The following TAFA1 variants were observed in gnomAD, a reference collection of about 807,000 sequenced individuals.
TAFA1 encodes the protein TAFA chemokine like family member 1, also known as chemokine-like protein TAFA-1.
In TAFA1, 4 loss-of-function variants were observed where a neutral mutation model predicts 18.5. The ratio of observed to expected loss-of-function variants is 0.22; its 90% CI spans 0.11 to 0.49. TAFA1 has a LOEUF of 0.49. TAFA1 is among the 20% of genes least tolerant of loss of function. The pLI, the probability that TAFA1 is intolerant of heterozygous loss-of-function variation, is 0.98. For missense variants in TAFA1, 147 were observed against 169.0 expected (o/e 0.87, Z 0.72); for synonymous variants, 56 against 55.2 (o/e 1.01, Z -0.06).
chr3:68,381,991 C>A (rs906272399), intron 2 of TAFA1, among the ~76,000 whole-genome samples: 23 of 152,110 alleles, frequency 1.5e-4, no homozygotes, highest in African/African-American at 3.1e-4. Flanking sequence ...GGGTTGTTGA[C>A]TTTTGTCAAA....
At chr3:68,398,237 A>C (rs1382272317) in intron 2 of TAFA1, among the ~76,000 whole-genome samples, 1 of 152,192 alleles carries the variant, frequency 6.6e-6, no homozygotes, top group Non-Finnish European at 1.5e-5. Context: ...AGACCAATGG[A>C]AATGAACAAA....
At chr3:68,406,689 T>C (rs961532527) in intron 2 of TAFA1, among the ~76,000 whole-genome samples, 15 of 152,198 alleles carry the variant, frequency 9.9e-5, no homozygotes, top group African/African-American at 3.4e-4. Context: ...AGATATATCC[T>C]CAGCCTTATT....
intron 2 of TAFA1, among the ~76,000 whole-genome samples, chr3:68,390,000 T>C (rs1368600406): frequency 6.6e-6 from 1 of 151,988 alleles, no homozygotes; most frequent in African/African-American, 2.4e-5. Flanking sequence ...GGAATGCCAG[T>C]GACAACCGTT....
At chr3:68,391,203 T>C (rs558131690) in intron 2 of TAFA1, among the ~76,000 whole-genome samples, 2 of 152,112 alleles carry the variant, frequency 1.3e-5, no homozygotes, top group African/African-American at 4.8e-5. Flanking sequence ...GCGTGAGAAC[T>C]TTGTGAAGCA....
At chr3:68,060,214 G>GTGTA (rs1559721271) in intron 2 of TAFA1, among the ~76,000 whole-genome samples, 1 of 151,992 alleles carries the variant, frequency 6.6e-6, no homozygotes, top group Admixed American at 6.6e-5. Context: ...TTGTGTGTGT[G>GTGTA]TGTGTGTGTC....
intron 2 of TAFA1, among the ~76,000 whole-genome samples, chr3:68,251,643 T>A (rs1466737938): frequency 6.6e-6 from 1 of 152,104 alleles, no homozygotes; most frequent in East Asian, 1.9e-4. Flanking sequence ...TGTTGTGAGC[T>A]CAGGGGGAAA....
At chr3:68,178,146 C>G (rs554656897) in intron 2 of TAFA1, among the ~76,000 whole-genome samples, 72 of 142,664 alleles carry the variant, frequency 5.0e-4, no homozygotes, top group African/African-American at 8.5e-4. Context: ...TCCATCCCCC[C>G]CTCCCCAAAA....
chr3:68,006,673 G>C lies in TAFA1; in HGVS notation c.47G>C (p.Ser16Thr). The C allele has an allele frequency of 6.2e-7, 1 of 1,614,050 alleles. No individual in the cohort carries two copies. The highest frequency in any genetic ancestry group is 8.5e-7 in the Non-Finnish European group (1 of 1,179,886). The change falls in exon 2 of 5, where the codon AGT (serine) becomes ACT (threonine). Residue 16 changes from serine (S) to threonine (T), a missense_variant. Physicochemically the swap from Ser to Thr is moderately conservative, Grantham distance 58. Coordinates refer to ENST00000478136, the MANE Select transcript of TAFA1 (RefSeq NM_213609.4). ...TCCTGGGTCCTGTATTTGTGGATAA[G>C]TGCTTGTGCAATGCTACTCTGCCAT... Reference protein sequence around the residue: ...AMSWVLYLWISACAMLLCHGS... With the variant: ...AMSWVLYLWITACAMLLCHGS...
chr3:68,088,344 T>TAG (rs2064995099), intron 2 of TAFA1, among the ~76,000 whole-genome samples: 2 of 152,172 alleles, frequency 1.3e-5, no homozygotes, highest in South Asian at 2.1e-4. Flanking sequence ...ATTTGTGGTT[T>TAG]TGACACATAT....
chr3:68,280,898 T>G (rs1410975442), intron 2 of TAFA1, among the ~76,000 whole-genome samples: 2 of 152,172 alleles, frequency 1.3e-5, no homozygotes, highest in African/African-American at 4.8e-5. Flanking sequence ...CAATTAGTCT[T>G]ATCCTCTCTG....
the TAFA1 span, among the ~76,000 whole-genome samples, chr3:67,998,533 G>A: frequency 6.6e-6 from 1 of 152,188 alleles, no homozygotes; most frequent in Non-Finnish European, 1.5e-5. Context: ...GGAGGGGCAA[G>A]TGACCCAAGT....
chr3:68,361,220 T>A (rs892231632), intron 2 of TAFA1, among the ~76,000 whole-genome samples: 2 of 152,124 alleles, frequency 1.3e-5, no homozygotes, highest in Middle Eastern at 3.4e-3. Context: ...GAAGTTTTTA[T>A]GTTAAGTGAA....
At chr3:68,135,925 A>C (rs1333278310) in intron 2 of TAFA1, among the ~76,000 whole-genome samples, 1 of 152,082 alleles carries the variant, frequency 6.6e-6, no homozygotes, top group Non-Finnish European at 1.5e-5. Context: ...AACCGGGGAA[A>C]TTTTGCTGAA....
At chr3:68,065,105 A>T (rs2064656924) in intron 2 of TAFA1, among the ~76,000 whole-genome samples, 1 of 152,058 alleles carries the variant, frequency 6.6e-6, no homozygotes, top group Non-Finnish European at 1.5e-5. Context: ...TCTGTTATCT[A>T]AATTGTAACA....
intron 2 of TAFA1, among the ~76,000 whole-genome samples, chr3:68,014,156 A>T (rs1253037208): frequency 6.6e-6 from 1 of 152,234 alleles, no homozygotes. Flanking sequence ...AGAATGGACC[A>T]ATTGATTCAC....
At chr3:68,294,939 C>A (rs1277342436) in intron 2 of TAFA1, among the ~76,000 whole-genome samples, 1 of 152,094 alleles carries the variant, frequency 6.6e-6, no homozygotes, top group Non-Finnish European at 1.5e-5. Flanking sequence ...GTACAGTAGC[C>A]ACAAATGGCC....
intron 2 of TAFA1, among the ~76,000 whole-genome samples, chr3:68,385,335 C>A (rs1192139569): frequency 6.6e-6 from 1 of 152,034 alleles, no homozygotes; most frequent in Non-Finnish European, 1.5e-5. Flanking sequence ...CAGCATAAAT[C>A]CTGATCAAAG....
chr3:68,271,834 TCTCACACACACA>T (rs1306598289), intron 2 of TAFA1, among the ~76,000 whole-genome samples: 32 of 150,564 alleles, frequency 2.1e-4, no homozygotes, highest in African/African-American at 7.1e-4. Context: ...TCTCTCTCTC[TCTCACACACACA>T]CACACACACA....
chr3:68,300,801 G>A (rs1398661157), intron 2 of TAFA1, among the ~76,000 whole-genome samples: 1 of 152,122 alleles, frequency 6.6e-6, no homozygotes, highest in African/African-American at 2.4e-5. Context: ...GGTTTTATAA[G>A]TGTTTTCTAG....
Sources: allele counts gnomAD v4.1 joint callset (sites outside exome capture counted in the v4.1 genomes callset), GRCh38; gene constraint gnomAD v4.1.1; transcripts MANE v1.5; gene names NCBI Gene and HGNC (gene_info 2026-07-23, HGNC 2026-07-21).